Variants in NR2E1 observed in about 807,000 individuals in gnomAD.
NR2E1 encodes the protein nuclear receptor subfamily 2 group E member 1, also known as nuclear receptor TLX.
In NR2E1, 5 loss-of-function variants were observed where a neutral mutation model predicts 43.6. The ratio of observed to expected loss-of-function variants is 0.11; its 90% CI spans 0.06 to 0.24. The LOEUF is 0.24. Among genes scored for constraint, NR2E1 ranks in the 10% least tolerant of loss-of-function variants. The pLI is 1.00. For missense variants in NR2E1, 287 were observed against 496.7 expected (o/e 0.58, Z 4.01); for synonymous variants, 191 against 195.5 (o/e 0.98, Z 0.19).
At chr6:108,177,995 T>G in intron 4 of NR2E1, 100 bp from the exon 5 acceptor site, 4 of 1,316,638 alleles carry the variant, frequency 3.0e-6, no homozygotes, top group Non-Finnish European at 4.4e-6. Flanking sequence ...AAATTCTTTT[T>G]TATCCCCTTC....
In NR2E1 at chr6:108,169,767, C is replaced by CT. The variant is rs1773773937; in HGVS notation, c.26-1691_26-1690insT. On this transcript the variant is annotated intron_variant, in intron 1 of 8. Coordinates refer to ENST00000368986, the MANE Select transcript of NR2E1 (RefSeq NM_003269.5). The surrounding 1 kb of genome is among the most constrained non-coding windows in gnomAD (Gnocchi z 6.1). ...CCCTCCCTCCCACAGCACAATCTCC[C>CT]CTCCCGCCCTGTGGGAGGGGGGCGC... Among the ~76,000 whole-genome samples the CT allele has an allele frequency of 6.6e-6, 1 of 152,034 alleles. No individual in the cohort carries two copies. Among genetic ancestry groups the CT allele is most frequent in the East Asian group, 1.9e-4 (1 of 5,138 alleles).
At chr6:108,167,151 CG>C (rs1773723765) in intron 1 of NR2E1, among the ~76,000 whole-genome samples, 1 of 152,130 alleles carries the variant, frequency 6.6e-6, no homozygotes, top group African/African-American at 2.4e-5. Flanking sequence ...ATAACACACT[CG>C]CTCAAAACTC....
chr6:108,170,082 C>T (rs1160263375), intron 1 of NR2E1, among the ~76,000 whole-genome samples: 1 of 151,454 alleles, frequency 6.6e-6, no homozygotes, highest in Non-Finnish European at 1.5e-5. Context: ...TGCGGTGCCT[C>T]GAGGCCCTCC....
intron 1 of NR2E1, chr6:108,167,928 C>T (rs1019568038): frequency 2.3e-6 from 3 of 1,316,570 alleles, no homozygotes; most frequent in South Asian, 1.5e-5. Context: ...CCTCCTACCC[C>T]CCTCCAAGAA....
At chr6:108,171,372 C>A in intron 1 of NR2E1, 86 bp from the exon 2 acceptor site, 3 of 1,404,586 alleles carry the variant, frequency 2.1e-6, no homozygotes, top group Non-Finnish European at 3.0e-6. Flanking sequence ...TAGCATCTCT[C>A]TCTCCCTCTC....
chr6:108,176,984 C>G (rs1322466505), intron 4 of NR2E1, among the ~76,000 whole-genome samples: 1 of 152,160 alleles, frequency 6.6e-6, no homozygotes. Context: ...TCTTATCCCC[C>G]CAGAAATTTC....
chr6:108,170,004 G>A (rs1214560367), intron 1 of NR2E1, among the ~76,000 whole-genome samples: 2 of 126,900 alleles, frequency 1.6e-5, no homozygotes, highest in African/African-American at 3.2e-5. Flanking sequence ...CCCTCCACCT[G>A]AGACGAGTCT....
At chr6:108,168,766 A>G (rs945007654) in intron 1 of NR2E1, 1 of 152,286 alleles carries the variant, frequency 6.6e-6, no homozygotes, top group Admixed American at 6.5e-5. Context: ...CCGGGTCAGG[A>G]CTGGGTCGAG....
chr6:108,180,049 T>C lies in NR2E1; in HGVS notation c.643-274T>C, dbSNP rs1009414479. Among the ~76,000 whole-genome samples the C allele has an allele frequency of 6.6e-6, 1 of 151,986 alleles. No individual in the cohort carries two copies. Among genetic ancestry groups the C allele is most frequent in the African/African-American group, 2.4e-5 (1 of 41,374 alleles). Reference sequence around the variant, plus strand: ...AGAGGAGCTTCTAGGTGGTCAGGAATGGGTGGATACAAGGACAAGAGGGGC... The same window carrying C: ...AGAGGAGCTTCTAGGTGGTCAGGAACGGGTGGATACAAGGACAAGAGGGGC... On this transcript the variant is annotated intron_variant, in intron 5 of 8. Coordinates refer to ENST00000368986, the MANE Select transcript of NR2E1 (RefSeq NM_003269.5). This position sits in a 1 kb window ranked among gnomAD's most constrained non-coding sequence, Gnocchi z 5.4.
At chr6:108,168,540 G>T (rs9386714) in intron 1 of NR2E1, among the ~76,000 whole-genome samples, 8,329 of 152,326 alleles carry the variant, frequency 0.055, 382 homozygotes, top group African/African-American at 0.11. Flanking sequence ...GGAAACTTTG[G>T]CCGTTCTAAC....
At position 108,180,845 on chromosome 6, in the gene NR2E1, A is replaced by C; in HGVS notation, c.778A>C (p.Lys260Gln). ...CAACACAGATTCCCAGAAGCTGAACAAGATCATATCTGAAATACAGGCTTT... is the reference window on the plus strand; with the variant it reads ...CAACACAGATTCCCAGAAGCTGAACCAGATCATATCTGAAATACAGGCTTT... ...GDNTDSQKLN[K>Q]IISEIQALQE... Residue 260 changes from lysine (K) to glutamine (Q), a missense_variant, in exon 7 of 9, where the codon AAG becomes CAG. Around this residue, in one of 4 missense-constraint regions of NR2E1, gnomAD observed 119 missense variants for 187.0 expected, o/e 0.64. Coordinates refer to ENST00000368986, the MANE Select transcript of NR2E1 (RefSeq NM_003269.5). This position sits in a 1 kb window ranked among gnomAD's most constrained non-coding sequence, Gnocchi z 5.4. The C allele has an allele frequency of 6.2e-7, 1 of 1,614,148 alleles. No individual in the cohort carries two copies. Among genetic ancestry groups the C allele is most frequent in the South Asian group, 1.1e-5 (1 of 91,086 alleles).
chr6:108,173,508 C>T (rs1773845116), intron 2 of NR2E1, among the ~76,000 whole-genome samples: 1 of 152,056 alleles, frequency 6.6e-6, no homozygotes, highest in Non-Finnish European at 1.5e-5. Context: ...ACATCTGTCC[C>T]ACCTTTATTT....
In NR2E1 at chr6:108,187,405, T is replaced by C; in HGVS notation, c.1100T>C (p.Ile367Thr). Residue 367 changes from isoleucine to threonine, a missense_variant, in exon 9 of 9, where the codon ATC (isoleucine) becomes ACC (threonine). Ile to Thr is a moderately conservative substitution (Grantham distance 89). Coordinates refer to ENST00000368986, the MANE Select transcript of NR2E1 (RefSeq NM_003269.5). Reference protein sequence around the residue: ...TIEEVFFKKTIGNVPITRLLS... With the variant: ...TIEEVFFKKTTGNVPITRLLS... ...GAAGAAGTGTTTTTCAAAAAAACCA[T>C]CGGCAATGTGCCAATTACAAGACTG... 1 of 1,614,068 alleles carries C rather than the reference T, an allele frequency of 6.2e-7. No individual in the cohort carries two copies. The highest frequency in any genetic ancestry group is 8.5e-7 in the Non-Finnish European group (1 of 1,179,956).
intron 5 of NR2E1, among the ~76,000 whole-genome samples, chr6:108,178,697 A>C (rs1287056018): frequency 4.6e-5 from 7 of 152,198 alleles, no homozygotes; most frequent in Non-Finnish European, 1.0e-4. Flanking sequence ...TATATTCTCC[A>C]TTGCGATGCT....
intron 3 of NR2E1, among the ~76,000 whole-genome samples, chr6:108,175,817 T>C (rs1773887205): frequency 6.6e-6 from 1 of 152,240 alleles, no homozygotes; most frequent in African/African-American, 2.4e-5. Flanking sequence ...GTCCAACCTG[T>C]TGAACTTGTG....
chr6:108,182,167 G>A (rs1381456796), intron 8 of NR2E1, among the ~76,000 whole-genome samples: 1 of 151,552 alleles, frequency 6.6e-6, no homozygotes, highest in Non-Finnish European at 1.5e-5. Flanking sequence ...TCGTGAACCT[G>A]GGAGGTGGAA....
rs1477887472 is a variant in NR2E1 at position 108,181,625 on chromosome 6, A to G, written c.969A>G (p.Leu323=). 2 of 1,614,082 alleles carry G rather than the reference A, an allele frequency of 1.2e-6. No homozygotes were observed. The highest frequency in any genetic ancestry group is 1.7e-6 in the Non-Finnish European group (2 of 1,180,010). Residue 323 remains leucine (L), a synonymous_variant, in exon 8 of 9, where the codon CTA becomes CTG. Coordinates refer to ENST00000368986, the MANE Select transcript of NR2E1 (RefSeq NM_003269.5). The part of the protein sequence containing the change: ...AIAALQDEAQ[L]TLNSYIHTRY... ...CAGCCCTTCAAGATGAGGCTCAGCTAACGCTCAACAGCTACATCCATACCA... is the reference window on the plus strand; with the variant it reads ...CAGCCCTTCAAGATGAGGCTCAGCTGACGCTCAACAGCTACATCCATACCA...
At chr6:108,186,505 T>C (rs1240646879) in intron 8 of NR2E1, among the ~76,000 whole-genome samples, 3 of 152,104 alleles carry the variant, frequency 2.0e-5, no homozygotes, top group Non-Finnish European at 4.4e-5. Flanking sequence ...ATCCCGGAAG[T>C]TCAGGTTTTA....
chr6:108,176,304 T>C, intron 3 of NR2E1, 199 bp from the exon 4 acceptor site: 1 of 601,550 alleles, frequency 1.7e-6, no homozygotes, highest in South Asian at 2.0e-5. Context: ...AGCCTCAGCT[T>C]CCGAATCTAT....
Sources: allele counts gnomAD v4.1 joint callset (sites outside exome capture counted in the v4.1 genomes callset), GRCh38; gene constraint gnomAD v4.1.1; regional missense constraint gnomAD v4.1.1; non-coding constraint Gnocchi (gnomAD v3.1); transcripts MANE v1.5; gene names NCBI Gene and HGNC (gene_info 2026-07-23, HGNC 2026-07-21).